The following KIAA0753 variants were observed in gnomAD, a reference collection of about 807,000 sequenced individuals.
KIAA0753 encodes the protein KIAA0753.
A neutral mutation model predicts 116.9 loss-of-function variants in KIAA0753; 114 were observed. That is an observed-to-expected ratio of 0.98 (90% CI 0.84 to 1.14). KIAA0753 has a LOEUF of 1.14. KIAA0753 is among the 50% of genes most tolerant of loss of function. The pLI is 0.00. For missense variants in KIAA0753, 1,156 were observed against 1,172.4 expected (o/e 0.99, Z 0.20); for synonymous variants, 405 against 413.1 (o/e 0.98, Z 0.24).
intron 2 of KIAA0753, among the ~76,000 whole-genome samples, chr17:6,631,930 T>C (rs959772084): frequency 1.3e-5 from 2 of 152,224 alleles, no homozygotes; most frequent in Non-Finnish European, 2.9e-5. Flanking sequence ...TCACCCAGGC[T>C]GGAGTGCAGT....
Position 6,608,366 on chromosome 17 carries a change from A to G in KIAA0753, c.1811T>C (p.Val604Ala), listed in dbSNP as rs949466660. The change falls in exon 10 of 19, where the codon GTT becomes GCT. Residue 604 changes from valine to alanine, a missense_variant. Coordinates refer to ENST00000361413, the MANE Select transcript of KIAA0753 (RefSeq NM_014804.3). ...PQEESHLTGA[V>A]EHEAARLAWL... ...CACAAACCTGGCTGCTTCATGCTCA[A>G]CAGCACCTGTCAGGTGACTTTCCTC... 7 of 1,528,380 alleles carry G rather than the reference A, an allele frequency of 4.6e-6. No individual in the cohort carries two copies. Among genetic ancestry groups the G allele is most frequent in the African/African-American group, 2.8e-5 (2 of 71,662 alleles). The allele number at this position is 1,528,380 out of a possible 1,614,324, so 94.7% of individuals were successfully genotyped here.
At chr17:6,630,814 C>T (rs1971979899) in intron 2 of KIAA0753, among the ~76,000 whole-genome samples, 1 of 152,156 alleles carries the variant, frequency 6.6e-6, no homozygotes, top group Admixed American at 6.6e-5. Flanking sequence ...TATTGTTCAG[C>T]AGAAAGCACT....
At chr17:6,618,088 G>A (rs1428466436) in intron 7 of KIAA0753, among the ~76,000 whole-genome samples, 1 of 151,940 alleles carries the variant, frequency 6.6e-6, no homozygotes, top group Non-Finnish European at 1.5e-5. Context: ...GGCAACGAGA[G>A]CGAGACTCGG....
At chr17:6,583,789 G>A (rs1968371782) in intron 18 of KIAA0753, among the ~76,000 whole-genome samples, 1 of 152,116 alleles carries the variant, frequency 6.6e-6, no homozygotes, top group South Asian at 2.1e-4. Flanking sequence ...TAATGTCTGT[G>A]TCTGATAGCT....
At chr17:6,624,923 G>T in intron 3 of KIAA0753, 62 bp from the exon 4 acceptor site, 1 of 1,023,922 alleles carries the variant, frequency 9.8e-7, no homozygotes, top group Non-Finnish European at 1.5e-6. Context: ...AACTTACAAA[G>T]ACTTCAATTA....
At chr17:6,608,148 T>A (rs1220774306) in intron 10 of KIAA0753, among the ~76,000 whole-genome samples, 200 bp downstream of exon 10, 1 of 152,068 alleles carries the variant, frequency 6.6e-6, no homozygotes, top group African/African-American at 2.4e-5. Flanking sequence ...TAAGAAAAAA[T>A]AGAAGAGCTC....
intron 16 of KIAA0753, among the ~76,000 whole-genome samples, chr17:6,594,021 G>C (rs978196866): frequency 1.3e-5 from 2 of 152,208 alleles, no homozygotes; most frequent in Non-Finnish European, 2.9e-5. Flanking sequence ...CTTTGATAAA[G>C]ATTTGTCAAT....
At chr17:6,632,814 A>C (rs1164821699) in intron 2 of KIAA0753, among the ~76,000 whole-genome samples, 1 of 152,222 alleles carries the variant, frequency 6.6e-6, no homozygotes, top group South Asian at 2.1e-4. Flanking sequence ...ACATCAGGCA[A>C]ATCTAAATTG....
chr17:6,623,179 C>T (rs960965218), intron 5 of KIAA0753, 82 bp from the exon 6 acceptor site: 3 of 1,299,168 alleles, frequency 2.3e-6, no homozygotes, highest in Non-Finnish European at 3.2e-6. Context: ...ATATTTATAG[C>T]CTGTCTTCTT....
chr17:6,632,019 A>T (rs1972047289), intron 2 of KIAA0753, among the ~76,000 whole-genome samples: 1 of 152,150 alleles, frequency 6.6e-6, no homozygotes, highest in Non-Finnish European at 1.5e-5. Flanking sequence ...AGTAGCTGAG[A>T]TTATAGGTGT....
chr17:6,607,880 T>G (rs2150821074), intron 10 of KIAA0753, among the ~76,000 whole-genome samples: 1 of 152,328 alleles, frequency 6.6e-6, no homozygotes, highest in Middle Eastern at 3.4e-3. Flanking sequence ...CCTAGTTTAA[T>G]TTCCATCCAT....
chr17:6,584,156 A>AATTCCAACCCCTGTCCTCTG (rs71154702), intron 18 of KIAA0753, among the ~76,000 whole-genome samples: 2 of 151,718 alleles, frequency 1.3e-5, no homozygotes, highest in Non-Finnish European at 2.9e-5. Context: ...GCAACCCGTG[A>AATTCCAACCCCTGTCCTCTG]ATTCCAGCCT....
At chr17:6,589,738 C>G in intron 18 of KIAA0753, 41 bp downstream of exon 18, 1 of 1,515,280 alleles carries the variant, frequency 6.6e-7, no homozygotes, top group Non-Finnish European at 9.0e-7. Flanking sequence ...TAAAATTTTG[C>G]AATTTGGTTC....
intron 18 of KIAA0753, among the ~76,000 whole-genome samples, chr17:6,588,323 G>T (rs1196576036): frequency 6.6e-6 from 1 of 152,110 alleles, no homozygotes; most frequent in Non-Finnish European, 1.5e-5. Context: ...ATCAAAATAA[G>T]AGTGTAAACC....
At position 6,609,880 on chromosome 17, in the gene KIAA0753, T is replaced by C. The variant is rs1970418568; in HGVS notation, c.1712+114A>G. 27 of 1,156,758 alleles carry C rather than the reference T, an allele frequency of 2.3e-5. No homozygotes were observed. In the South Asian group the frequency reaches 4.2e-4, roughly 18 times the overall value. The allele number at this position is 1,156,758 out of a possible 1,614,324, so 71.7% of individuals were successfully genotyped here. ...CACCCAAAAAAGGATTTCTGCTTAATGGAAAAAATTAAGGCTACTACTTAA... is the reference window on the plus strand; with the variant it reads ...CACCCAAAAAAGGATTTCTGCTTAACGGAAAAAATTAAGGCTACTACTTAA... On this transcript the variant is annotated intron_variant, in intron 9 of 18. Transcript: ENST00000361413.
Position 6,624,863 on chromosome 17 carries a change from T to A in KIAA0753, c.719-2A>T. On this transcript the variant is annotated splice_acceptor_variant, in intron 3 of 18. Coordinates refer to ENST00000361413, the MANE Select transcript of KIAA0753 (RefSeq NM_014804.3). LOFTEE classifies it high-confidence loss of function. The stretch of plus-strand genomic sequence containing the variant: ...GATCCAAAGCTTCTTCTAGTCTATC[T>A]GAAAATATTAATAGTTTTCCCCAAA... 6.5e-7 allele frequency: 1 copy of A among 1,543,186 alleles called. No homozygotes were observed. Among genetic ancestry groups the A allele is most frequent in the Non-Finnish European group, 8.8e-7 (1 of 1,138,006 alleles).
intron 7 of KIAA0753, among the ~76,000 whole-genome samples, chr17:6,616,357 T>G (rs1400666621): frequency 6.6e-6 from 1 of 152,232 alleles, no homozygotes; most frequent in Non-Finnish European, 1.5e-5. Flanking sequence ...GTTTTCTTAG[T>G]TAGAATATGC....
At position 6,589,775 on chromosome 17, in the gene KIAA0753, T is replaced by C; in HGVS notation, c.2786+4A>G. 6.3e-7 allele frequency: 1 copy of C among 1,590,968 alleles called. No individual in the cohort carries two copies. On this transcript the variant is annotated splice_donor_region_variant and intron_variant, in intron 18 of 18. Transcript: ENST00000361413. Reference sequence around the variant, plus strand: ...TAAACAGAGGACCGTAACATTTTACTGACCTTTCAGCTATCAGCCACGGGT... The same window carrying C: ...TAAACAGAGGACCGTAACATTTTACCGACCTTTCAGCTATCAGCCACGGGT...
At position 6,608,423 on chromosome 17, in the gene KIAA0753, G is replaced by C. The variant is rs77116621; in HGVS notation, c.1754C>G (p.Thr585Arg). The change falls in exon 10 of 19, where the codon ACA becomes AGA. Residue 585 changes from threonine to arginine, a missense_variant. Physicochemically the swap from Thr to Arg is moderately conservative, Grantham distance 71 (BLOSUM62 -1). Transcript: ENST00000361413. ...LKVKTSPRDATKEPLQQEDPQ... is the reference protein window; with the variant it reads ...LKVKTSPRDARKEPLQQEDPQ... ...ATCTTCTTGCTGGAGAGGCTCTTTTGTGGCATCTCTGGGGCTAGTTTTCAC... is the reference window on the plus strand; with the variant it reads ...ATCTTCTTGCTGGAGAGGCTCTTTTCTGGCATCTCTGGGGCTAGTTTTCAC... 6.4e-7 allele frequency: 1 copy of C among 1,567,158 alleles called. No homozygotes were observed. The highest frequency in any genetic ancestry group is 8.7e-7 in the Non-Finnish European group (1 of 1,152,112).
Sources: allele counts gnomAD v4.1 joint callset (sites outside exome capture counted in the v4.1 genomes callset), GRCh38; gene constraint gnomAD v4.1.1; transcripts MANE v1.5; gene names NCBI Gene and HGNC (gene_info 2026-07-23, HGNC 2026-07-21).